The following NCOA7 variants were observed in gnomAD, a reference collection of about 807,000 sequenced individuals.
NCOA7 encodes nuclear receptor coactivator 7.
In NCOA7, 45 loss-of-function variants were observed where a neutral mutation model predicts 104.3. That is an observed-to-expected ratio of 0.43 (90% CI 0.34 to 0.55). The LOEUF (loss-of-function observed/expected upper bound fraction) is 0.55. NCOA7 is among the 20% of genes least tolerant of loss of function. The pLI, the probability that NCOA7 is intolerant of heterozygous loss-of-function variation, is 0.02. For missense variants in NCOA7, 1,041 were observed against 1,119.7 expected (o/e 0.93, Z 1.00); for synonymous variants, 398 against 402.3 (o/e 0.99, Z 0.13).
intron 1 of NCOA7, among the ~76,000 whole-genome samples, chr6:125,793,007 C>T (rs2128544343): frequency 6.6e-6 from 1 of 152,240 alleles, no homozygotes; most frequent in East Asian, 1.9e-4. Flanking sequence ...ACTCAAATGA[C>T]TTATTTTTAC....
In NCOA7 at chr6:125,928,393, C is replaced by T. The variant is rs530295089; in HGVS notation, c.2693+146C>T. The T allele has an allele frequency of 8.4e-4, 675 of 807,314 alleles. 6 individuals carry two copies. The South Asian group carries it at 0.011, about 13-fold the overall frequency. 50.0% of individuals were successfully genotyped at this position (807,314 alleles called of 1,614,324 possible). ...AGATGAATTAGGACAGAGGCTAACA[C>T]AGAATGGCCTAACTAAGAATCAAAG... On this transcript the variant is annotated intron_variant, in intron 15 of 15. Transcript: ENST00000392477.
At chr6:125,904,201 G>A (rs1292124872) in intron 10 of NCOA7, among the ~76,000 whole-genome samples, 1 of 152,014 alleles carries the variant, frequency 6.6e-6, no homozygotes, top group Non-Finnish European at 1.5e-5. Context: ...TTAAGCAAAT[G>A]GTAAGTCTTG....
chr6:125,896,783 C>T (rs545777685), intron 10 of NCOA7, among the ~76,000 whole-genome samples: 1 of 152,042 alleles, frequency 6.6e-6, no homozygotes, highest in Non-Finnish European at 1.5e-5. Context: ...AAGAGCAAGA[C>T]CCTGTCTCCA....
At position 125,882,415 on chromosome 6, in the gene NCOA7, G is replaced by C. The variant is rs764722465; in HGVS notation, c.574-11G>C. On this transcript the variant is annotated splice_polypyrimidine_tract_variant and intron_variant, in intron 6 of 15. Coordinates refer to ENST00000392477, the MANE Select transcript of NCOA7 (RefSeq NM_181782.5). ...CTTTTATTTGATTTTGAAATTTTTT[G>C]CTTTCACAAGGATGCTGACTTAGCA... 1.2e-6 allele frequency: 2 copies of C among 1,607,342 alleles called. No homozygotes were observed. The highest frequency in any genetic ancestry group is 1.7e-6 in the Non-Finnish European group (2 of 1,178,364).
In NCOA7 at chr6:125,890,730, C is replaced by T. The variant is rs1449069321; in HGVS notation, c.2016C>T (p.Ala672=). ...KVGKPMRKSF[A]THTAAMVQQY... Reference sequence around the variant, plus strand: ...GAAAACCAATGAGAAAATCCTTTGCCACTCACACTGCAGCCATGGTCCAGC... The same window carrying T: ...GAAAACCAATGAGAAAATCCTTTGCTACTCACACTGCAGCCATGGTCCAGC... Residue 672 remains alanine, a synonymous_variant, in exon 10 of 16, where the codon GCC becomes GCT. Transcript: ENST00000392477. 2.4e-5 allele frequency: 38 copies of T among 1,613,722 alleles called. No individual in the cohort carries two copies. The highest frequency in any genetic ancestry group is 3.0e-5 in the Non-Finnish European group (35 of 1,179,910).
chr6:125,909,234 C>T (rs1786301438), intron 10 of NCOA7, among the ~76,000 whole-genome samples: 1 of 152,216 alleles, frequency 6.6e-6, no homozygotes, highest in South Asian at 2.1e-4. Context: ...CTCAGGAGAT[C>T]TAGTCCTGGC....
intron 1 of NCOA7, among the ~76,000 whole-genome samples, chr6:125,803,020 C>T (rs186203967): frequency 4.6e-5 from 7 of 152,314 alleles, no homozygotes; most frequent in Non-Finnish European, 7.4e-5. Flanking sequence ...ACATGCCTCT[C>T]TCTGTTGTTA....
At chr6:125,840,094 G>A (rs1050699704) in intron 2 of NCOA7, among the ~76,000 whole-genome samples, 3 of 152,050 alleles carry the variant, frequency 2.0e-5, no homozygotes, top group Admixed American at 2.0e-4. Flanking sequence ...CAGTGGGACA[G>A]GATGTGGAGG....
chr6:125,829,069 A>G lies in NCOA7; in HGVS notation c.50+13665A>G, dbSNP rs545455964. On this transcript the variant is annotated intron_variant, in intron 2 of 15. Transcript: ENST00000392477. ...TTCCATAAGAGAATTTTTTAATTGTAATATCTTAGATGAAAACATTAATTT... is the reference window on the plus strand; with the variant it reads ...TTCCATAAGAGAATTTTTTAATTGTGATATCTTAGATGAAAACATTAATTT... 1.8e-3 allele frequency among the ~76,000 whole-genome samples: 277 copies of G among 152,246 alleles called. 2 individuals carry two copies. Among genetic ancestry groups the G allele is most frequent in the Non-Finnish European group, 2.8e-3 (191 of 68,012 alleles).
At chr6:125,850,841 A>G (rs1781061093) in intron 2 of NCOA7, among the ~76,000 whole-genome samples, 1 of 152,194 alleles carries the variant, frequency 6.6e-6, no homozygotes, top group Admixed American at 6.5e-5. Flanking sequence ...TGCATAGATA[A>G]GCCTCCCAAT....
intron 11 of NCOA7, among the ~76,000 whole-genome samples, chr6:125,917,178 G>A (rs1787159085): frequency 6.6e-6 from 1 of 152,094 alleles, no homozygotes; most frequent in Admixed American, 6.5e-5. Context: ...AATTCAGTAG[G>A]TCTGGAGGGA....
At chr6:125,908,642 C>G (rs1288431430) in intron 10 of NCOA7, among the ~76,000 whole-genome samples, 2 of 152,170 alleles carry the variant, frequency 1.3e-5, no homozygotes, top group African/African-American at 4.8e-5. Flanking sequence ...ACCTACTACC[C>G]CATCCACCTT....
At position 125,889,009 on chromosome 6, in the gene NCOA7, A is replaced by G. The variant is rs757105457; in HGVS notation, c.955A>G (p.Ile319Val). 2 of 1,614,004 alleles carry G rather than the reference A, an allele frequency of 1.2e-6. No individual in the cohort carries two copies. The highest frequency in any genetic ancestry group is 1.7e-6 in the Non-Finnish European group (2 of 1,179,978). ...EWEDLASEKD[I>V]NPFSKFKSIN... The stretch of plus-strand genomic sequence containing the variant: ...GGAAGACCTGGCTTCAGAAAAGGAT[A>G]TCAACCCATTCAGTAAGTTCAAATC... The change falls in exon 9 of 16, where the codon ATC (isoleucine) becomes GTC (valine). Residue 319 changes from isoleucine to valine, a missense_variant. Transcript: ENST00000392477.
At chr6:125,859,975 G>C (rs1781901507) in intron 3 of NCOA7, among the ~76,000 whole-genome samples, 1 of 152,112 alleles carries the variant, frequency 6.6e-6, no homozygotes, top group Non-Finnish European at 1.5e-5. Flanking sequence ...TTTTTTGAGA[G>C]GGAAGTAGGA....
intron 2 of NCOA7, among the ~76,000 whole-genome samples, chr6:125,830,780 T>TGTGC (rs1312562025): frequency 1.4e-5 from 2 of 144,110 alleles, no homozygotes; most frequent in East Asian, 4.4e-4. Flanking sequence ...TGTGTGTGTG[T>TGTGC]GTATAGATAT....
chr6:125,901,198 A>G (rs1037720267), intron 10 of NCOA7, among the ~76,000 whole-genome samples: 7 of 152,194 alleles, frequency 4.6e-5, no homozygotes, highest in South Asian at 2.1e-4. Context: ...TCTCTGTGCC[A>G]TAATATACTC....
Position 125,929,710 on chromosome 6 carries a change from C to A in NCOA7, c.*939C>A, listed in dbSNP as rs1344822795. 1 of 151,892 alleles carries A rather than the reference C, an allele frequency of 6.6e-6. No homozygotes were observed. 9.4% of individuals were successfully genotyped at this position (151,892 alleles called of 1,614,324 possible). On this transcript the variant is annotated 3_prime_UTR_variant, in exon 16 of 16. Transcript: ENST00000392477. The stretch of plus-strand genomic sequence containing the variant: ...AAGTTGATATTTATAGAAATGAATA[C>A]CTTTGTGAACCTAGACTTAGAACAA...
chr6:125,918,740 G>A (rs1787295750), intron 11 of NCOA7, among the ~76,000 whole-genome samples: 1 of 152,134 alleles, frequency 6.6e-6, no homozygotes, highest in African/African-American at 2.4e-5. Context: ...ACAACCTCAT[G>A]TAAACCAGAT....
chr6:125,827,182 C>G (rs565600278), intron 2 of NCOA7, among the ~76,000 whole-genome samples: 3 of 114,052 alleles, frequency 2.6e-5, no homozygotes, highest in Non-Finnish European at 5.3e-5. Context: ...GAGTGAAACT[C>G]CATCTCAAAA....
Sources: gnomAD v4.1 joint callset for allele counts (sites outside exome capture counted in the v4.1 genomes callset) on GRCh38, gnomAD v4.1.1 for gene constraint, MANE v1.5 for transcripts, NCBI Gene and HGNC (gene_info 2026-07-23, HGNC 2026-07-21) for gene names.